The following SMARCA5 variants were observed in gnomAD, a reference collection of about 807,000 sequenced individuals.
SMARCA5 encodes SWI/SNF-related matrix-associated actin-dependent regulator of chromatin subfamily A member 5.
In SMARCA5, 18 loss-of-function variants were observed where a neutral mutation model predicts 140.4. The ratio of observed to expected loss-of-function variants is 0.13; its 90% CI spans 0.09 to 0.19. The LOEUF is 0.19. Ranked by LOEUF, SMARCA5 falls within the 10% of genes least tolerant of loss-of-function variation. The pLI, the probability that SMARCA5 is intolerant of heterozygous loss-of-function variation, is 1.00. For synonymous variants in SMARCA5, 449 were observed against 419.6 expected, an observed-to-expected ratio of 1.07 and a Z score of -0.86; for missense variants, 606 against 1,276.8, an observed-to-expected ratio of 0.47 and a Z score of 8.01.
At chr4:143,533,853 A>G (rs75590212) in intron 9 of SMARCA5, among the ~76,000 whole-genome samples, 3,036 of 152,336 alleles carry the variant, frequency 0.02, 103 homozygotes, top group African/African-American at 0.068. Context: ...TGTTGAAAAC[A>G]TTTTAAAAAT....
In SMARCA5 at chr4:143,532,212, G is replaced by A. The variant is rs76474710; in HGVS notation, c.1158+1686G>A. On this transcript the variant is annotated intron_variant, in intron 9 of 23. Coordinates refer to ENST00000283131, the MANE Select transcript of SMARCA5 (RefSeq NM_003601.4). The stretch of plus-strand genomic sequence containing the variant: ...AGGTAGTAATTTCCTAGCTACCTTT[G>A]TTTCAATTCAGATGGCATTCATGCA... 2.7e-3 allele frequency among the ~76,000 whole-genome samples: 418 copies of A among 152,268 alleles called. 12 individuals carry two copies. In the East Asian group the frequency reaches 0.059, roughly 22 times the overall value.
At chr4:143,528,300 T>G (rs1403684447) in intron 7 of SMARCA5, among the ~76,000 whole-genome samples, 1 of 152,224 alleles carries the variant, frequency 6.6e-6, no homozygotes, top group Non-Finnish European at 1.5e-5. Context: ...CCATGTGTTC[T>G]CATTGTTCAA....
chr4:143,518,402 A>C (rs1736886668), intron 2 of SMARCA5, among the ~76,000 whole-genome samples: 1 of 152,202 alleles, frequency 6.6e-6, no homozygotes, highest in South Asian at 2.1e-4. Flanking sequence ...TCAAAAAGTT[A>C]AAATAACAAT....
chr4:143,547,477 A>C lies in SMARCA5; in HGVS notation c.2746A>C (p.Ser916Arg). Residue 916 changes from serine (S) to arginine (R), a missense_variant, in exon 21 of 24, where the codon AGC (serine) becomes CGC (arginine). Transcript: ENST00000283131. The part of the protein sequence containing the change: ...RGEARIQRRI[S>R]IKKALDTKIG... Reference sequence around the variant, plus strand: ...AGAGGCGAGAATTCAAAGAAGAATAAGCATCAAGAAAGCACTTGACACAAA... The same window carrying C: ...AGAGGCGAGAATTCAAAGAAGAATACGCATCAAGAAAGCACTTGACACAAA... 6.2e-7 allele frequency: 1 copy of C among 1,600,190 alleles called. No homozygotes were observed. Among genetic ancestry groups the C allele is most frequent in the Non-Finnish European group, 8.6e-7 (1 of 1,167,724 alleles).
At position 143,530,580 on chromosome 4, in the gene SMARCA5, G is replaced by A. The variant is rs1275489814; in HGVS notation, c.1158+54G>A. On this transcript the variant is annotated intron_variant, in intron 9 of 23. Coordinates refer to ENST00000283131, the MANE Select transcript of SMARCA5 (RefSeq NM_003601.4). ...TATTTATGATGGGAAAAAGGATAAA[G>A]GTTTAAATTAGTAGATTATTTTCCT... 3.4e-6 allele frequency: 4 copies of A among 1,191,856 alleles called. No individual in the cohort carries two copies. In the African/African-American group the frequency reaches 4.6e-5, roughly 14 times the overall value. The allele number at this position is 1,191,856 out of a possible 1,614,324, so 73.8% of individuals were successfully genotyped here.
intron 1 of SMARCA5, 21 bp from the exon 2 acceptor site, chr4:143,517,334 T>G: frequency 6.3e-7 from 1 of 1,577,236 alleles, no homozygotes; most frequent in Non-Finnish European, 8.7e-7. Flanking sequence ...CCAATTCTAT[T>G]TAATTATTTC....
chr4:143,555,374 C>A lies in SMARCA5; in HGVS notation c.*2190C>A. 5.7e-6 allele frequency: 4 copies of A among 697,062 alleles called. No individual in the cohort carries two copies. The highest frequency in any genetic ancestry group is 1.1e-5 in the Non-Finnish European group (4 of 375,646). 43.2% of individuals were successfully genotyped at this position (697,062 alleles called of 1,614,324 possible). ...CCCACTGCCACCATATCCATCACCA[C>A]CACCATGGCTGCCACCAAAGCCACC... On this transcript the variant is annotated 3_prime_UTR_variant, in exon 24 of 24. Coordinates refer to ENST00000283131, the MANE Select transcript of SMARCA5 (RefSeq NM_003601.4).
At chr4:143,529,733 TATTA>T (rs997436389) in intron 8 of SMARCA5, among the ~76,000 whole-genome samples, 16 of 152,306 alleles carry the variant, frequency 1.1e-4, no homozygotes, top group Admixed American at 2.6e-4. Flanking sequence ...TATAAAAAGG[TATTA>T]ATTAATTTTG....
intron 6 of SMARCA5, among the ~76,000 whole-genome samples, 166 bp downstream of exon 6, chr4:143,526,626 C>T (rs1326520281): frequency 6.6e-6 from 1 of 151,856 alleles, no homozygotes; most frequent in African/African-American, 2.4e-5. Context: ...CTTTGGGAGG[C>T]CGAGGCGGGT....
At chr4:143,545,815 A>G in intron 18 of SMARCA5, 110 bp from the exon 19 acceptor site, 1 of 997,464 alleles carries the variant, frequency 1.0e-6, no homozygotes, top group Non-Finnish European at 1.5e-6. Flanking sequence ...GCAATGTATC[A>G]GTATATTTTC....
chr4:143,549,133 T>C (rs546904288), intron 22 of SMARCA5, among the ~76,000 whole-genome samples: 57 of 152,246 alleles, frequency 3.7e-4, no homozygotes, highest in African/African-American at 1.4e-3. Flanking sequence ...GACAGTGCCA[T>C]GTTAATTTAA....
intron 9 of SMARCA5, among the ~76,000 whole-genome samples, chr4:143,531,459 T>C (rs887314481): frequency 3.3e-5 from 5 of 152,184 alleles, no homozygotes; most frequent in Non-Finnish European, 7.3e-5. Context: ...ACTCAGGAAT[T>C]CTCAGCCTCT....
At position 143,530,401 on chromosome 4, in the gene SMARCA5, T is replaced by C. The variant is rs1025299291; in HGVS notation, c.1090-57T>C. The C allele has an allele frequency of 3.4e-5, 37 of 1,087,258 alleles. No homozygotes were observed. In the Admixed American group the frequency reaches 7.5e-4, roughly 22 times the overall value. The allele number at this position is 1,087,258 out of a possible 1,614,324, so 67.4% of individuals were successfully genotyped here. A position where few individuals can be genotyped will look rare whatever the true frequency, so the allele number is the denominator to read the frequency against. On this transcript the variant is annotated intron_variant, in intron 8 of 23. Transcript: ENST00000283131. The stretch of plus-strand genomic sequence containing the variant: ...GAAATCATTTCTATATCTGGTATTA[T>C]AGGGTATTTGTTAATATTATCTCTG...
At chr4:143,540,141 G>A (rs1737399860) in intron 13 of SMARCA5, among the ~76,000 whole-genome samples, 1 of 152,104 alleles carries the variant, frequency 6.6e-6, no homozygotes, top group South Asian at 2.1e-4. Flanking sequence ...TTCCTCATCA[G>A]ACTTAAAAAT....
At chr4:143,532,513 C>T (rs950624136) in intron 9 of SMARCA5, among the ~76,000 whole-genome samples, 1 of 152,170 alleles carries the variant, frequency 6.6e-6, no homozygotes, top group Non-Finnish European at 1.5e-5. Flanking sequence ...GGTCTTGTAG[C>T]TACCTCTCTA....
chr4:143,521,266 C>T (rs1361509022), intron 2 of SMARCA5, among the ~76,000 whole-genome samples, 163 bp from the exon 3 acceptor site: 2 of 151,440 alleles, frequency 1.3e-5, no homozygotes, highest in Non-Finnish European at 2.9e-5. Flanking sequence ...TGTTTGGCTT[C>T]TTTCACTTTG....
Position 143,536,622 on chromosome 4 carries a change from C to A in SMARCA5, c.1439C>A (p.Thr480Asn), listed in dbSNP as rs755469240. The change falls in exon 11 of 24, where the codon ACC becomes AAC. Residue 480 changes from threonine to asparagine, a missense_variant. Thr to Asn is a moderately conservative substitution (Grantham distance 65). Coordinates refer to ENST00000283131, the MANE Select transcript of SMARCA5 (RefSeq NM_003601.4). ...TATACAACAGATATGCATCTAGTAA[C>A]CAACAGTGGCAAAATGGTGGTTTTA... ...PPYTTDMHLV[T>N]NSGKMVVLDK... The A allele has an allele frequency of 1.2e-6, 2 of 1,613,638 alleles. No homozygotes were observed. Among genetic ancestry groups the A allele is most frequent in the South Asian group, 2.2e-5 (2 of 91,068 alleles).
rs1411140068 is a variant in SMARCA5, at chr4:143,550,083, G to C, written c.3072G>C (p.Lys1024Asn). Residue 1024 changes from lysine to asparagine, a missense_variant, in exon 23 of 24, where the codon AAG becomes AAC. By Grantham distance (94) the Lys-to-Asn change is moderately conservative. Transcript: ENST00000283131. ...ELEEKEKAEK[K>N]KRGPKPSTQK... is the part of the protein sequence containing the mutation. Reference sequence around the variant, plus strand: ...AAGAAAAGGAGAAGGCAGAGAAAAAGAAACGAGGACCAAAGCCTTCAGTAA... The same window carrying C: ...AAGAAAAGGAGAAGGCAGAGAAAAACAAACGAGGACCAAAGCCTTCAGTAA... The C allele has an allele frequency of 6.3e-7, 1 of 1,580,768 alleles. No homozygotes were observed. Among genetic ancestry groups the C allele is most frequent in the East Asian group, 2.2e-5 (1 of 44,542 alleles).
chr4:143,521,410 T>G lies in SMARCA5; in HGVS notation c.253-19T>G. ...AATTGATACTCTGATAAAATGTATC[T>G]TAAATTTTTTTTTTTCAGCAAACTG... On this transcript the variant is annotated intron_variant, in intron 2 of 23. Transcript: ENST00000283131. 2 of 1,583,432 alleles carry G rather than the reference T, an allele frequency of 1.3e-6. No individual in the cohort carries two copies. Among genetic ancestry groups the G allele is most frequent in the Non-Finnish European group, 1.7e-6 (2 of 1,161,364 alleles).
Sources: allele counts gnomAD v4.1 joint callset (sites outside exome capture counted in the v4.1 genomes callset), GRCh38; gene constraint gnomAD v4.1.1; transcripts MANE v1.5; gene names NCBI Gene and HGNC (gene_info 2026-07-23, HGNC 2026-07-21).